The following WWP2 variants were observed in gnomAD, a reference collection of about 807,000 sequenced individuals.
The protein encoded by WWP2 is WW domain containing E3 ubiquitin protein ligase 2.
In WWP2, 57 loss-of-function variants were observed where a neutral mutation model predicts 121.0. The observed-to-expected ratio is 0.47, with a 90% CI of 0.38 to 0.59. The LOEUF is 0.59. Ranked by LOEUF, WWP2 falls within the 20% of genes least tolerant of loss-of-function variation. The pLI, the probability that WWP2 is intolerant of heterozygous loss-of-function variation, is 0.00. For missense variants in WWP2, 962 were observed against 1,158.9 expected, an observed-to-expected ratio of 0.83 and a Z score of 2.47; for synonymous variants, 449 against 441.3, an observed-to-expected ratio of 1.02 and a Z score of -0.22.
Position 69,840,253 on chromosome 16 carries a change from C to G in WWP2, c.468C>G (p.Ala156=). 6.2e-7 allele frequency: 1 copy of G among 1,614,116 alleles called. No homozygotes were observed. The highest frequency in any genetic ancestry group is 2.2e-5 in the East Asian group (1 of 44,880). ...VDLGNVPNGS[A]LTDGSQLPSR... is the part of the protein sequence containing the mutation. ...TGGGAAATGTGCCTAATGGCAGTGC[C>G]CTGACAGATGGTGAGTGCCGCCCTG... Residue 156 remains alanine, a synonymous_variant, in exon 5 of 24, where the codon GCC becomes GCG. Coordinates refer to ENST00000359154, the MANE Select transcript of WWP2 (RefSeq NM_001270454.2).
At chr16:69,913,475 C>T (rs1250830668) in intron 9 of WWP2, among the ~76,000 whole-genome samples, 1 of 151,938 alleles carries the variant, frequency 6.6e-6, no homozygotes, top group African/African-American at 2.4e-5. Context: ...GCGCTCCAGC[C>T]TGGGTGACAG....
intron 6 of WWP2, among the ~76,000 whole-genome samples, chr16:69,871,210 A>G (rs535411075): frequency 1.3e-5 from 2 of 152,256 alleles, no homozygotes; most frequent in East Asian, 3.9e-4. Context: ...CTTGAGCCCA[A>G]GAGTTTGAGG....
intron 7 of WWP2, among the ~76,000 whole-genome samples, chr16:69,886,428 T>A (rs1255248885): frequency 1.3e-5 from 2 of 151,360 alleles, no homozygotes; most frequent in Non-Finnish European, 2.9e-5. Flanking sequence ...TCAGACCAGG[T>A]AATAGAATCA....
intron 4 of WWP2, among the ~76,000 whole-genome samples, chr16:69,815,615 C>T (rs1391986386): frequency 1.3e-5 from 2 of 151,754 alleles, no homozygotes; most frequent in East Asian, 1.9e-4. Context: ...GTGAAACCCC[C>T]GTCTCTACTA....
intron 11 of WWP2, among the ~76,000 whole-genome samples, chr16:69,927,052 T>G (rs1411695250): frequency 1.3e-5 from 2 of 152,084 alleles, no homozygotes; most frequent in Non-Finnish European, 2.9e-5. Context: ...GTGGAAATAT[T>G]TGAGATAGAA....
chr16:69,936,557 G>T (rs1432391568), intron 19 of WWP2, 105 bp downstream of exon 19: 1 of 1,510,766 alleles, frequency 6.6e-7, no homozygotes, highest in Non-Finnish European at 9.0e-7. Flanking sequence ...CACTGTGGAT[G>T]CCATTTGCAT....
chr16:69,763,446 G>C (rs910171798), intron 1 of WWP2, among the ~76,000 whole-genome samples: 1 of 152,210 alleles, frequency 6.6e-6, no homozygotes, highest in Non-Finnish European at 1.5e-5. Context: ...CATGAGTGCA[G>C]TGTAACTGGA....
chr16:69,913,467 G>A (rs898024165), intron 9 of WWP2, among the ~76,000 whole-genome samples: 6 of 151,784 alleles, frequency 4.0e-5, no homozygotes, highest in African/African-American at 1.2e-4. Context: ...GTGCCACTGC[G>A]CTCCAGCCTG....
intron 4 of WWP2, among the ~76,000 whole-genome samples, chr16:69,809,076 G>C (rs2056339731): frequency 6.6e-6 from 1 of 152,178 alleles, no homozygotes; most frequent in Non-Finnish European, 1.5e-5. Flanking sequence ...TGGTTATATT[G>C]TTTGTGGTAT....
At chr16:69,770,235 G>A (rs913909713) in intron 1 of WWP2, among the ~76,000 whole-genome samples, 1 of 152,132 alleles carries the variant, frequency 6.6e-6, no homozygotes, top group African/African-American at 2.4e-5. Context: ...GGGGGCCAGT[G>A]GCCAGGGAAA....
At chr16:69,848,023 A>G (rs2057118001) in intron 6 of WWP2, among the ~76,000 whole-genome samples, 1 of 152,184 alleles carries the variant, frequency 6.6e-6, no homozygotes, top group African/African-American at 2.4e-5. Flanking sequence ...CTAGAATCTC[A>G]GTAAAATTTC....
At chr16:69,904,483 C>T (rs1216696205) in intron 8 of WWP2, among the ~76,000 whole-genome samples, 1 of 152,014 alleles carries the variant, frequency 6.6e-6, no homozygotes, top group East Asian at 1.9e-4. Context: ...ATCCTCCTGC[C>T]TCAGTCTCCT....
chr16:69,796,298 A>G (rs1187435575), intron 2 of WWP2, among the ~76,000 whole-genome samples: 1 of 152,150 alleles, frequency 6.6e-6, no homozygotes, highest in Non-Finnish European at 1.5e-5. Flanking sequence ...CGTCCTGAAA[A>G]ACCCATCATA....
At chr16:69,904,935 T>G (rs2058264243) in intron 8 of WWP2, among the ~76,000 whole-genome samples, 1 of 152,192 alleles carries the variant, frequency 6.6e-6, no homozygotes, top group South Asian at 2.1e-4. Flanking sequence ...AGTTCTTACA[T>G]AGCAAACTAC....
At chr16:69,900,769 C>T (rs11075745) in intron 8 of WWP2, among the ~76,000 whole-genome samples, 64,044 of 151,816 alleles carry the variant, frequency 0.42, 13,792 homozygotes, top group East Asian at 0.56. Context: ...GGTGATCTGC[C>T]CGCCTTGGCC....
At position 69,917,747 on chromosome 16, in the gene WWP2, A is replaced by T. The variant is rs1330302815; in HGVS notation, c.1043A>T (p.Tyr348Phe). 1.9e-6 allele frequency: 3 copies of T among 1,611,690 alleles called. No individual in the cohort carries two copies. In the Admixed American group the frequency reaches 5.0e-5, roughly 27 times the overall value. Reference protein sequence around the residue: ...KRTDPRGRFYYVDHNTRTTTW... With the variant: ...KRTDPRGRFYFVDHNTRTTTW... ...ACAGATCCCCGAGGCAGGTTTTACT[A>T]TGTGGATCACAATACTCGGACCACC... The change falls in exon 10 of 24, where the codon TAT (tyrosine) becomes TTT (phenylalanine). Residue 348 changes from tyrosine (Y) to phenylalanine (F), a missense_variant. Tyr to Phe is a conservative substitution (Grantham distance 22). Transcript: ENST00000359154.
At chr16:69,868,307 T>C (rs2151912063) in intron 6 of WWP2, among the ~76,000 whole-genome samples, 1 of 152,284 alleles carries the variant, frequency 6.6e-6, no homozygotes, top group Admixed American at 6.5e-5. Context: ...CCGCTATCAT[T>C]AGTGGTTAAG....
chr16:69,877,292 A>AAACCTCATGAACCAATCTTTCCTTT (rs2057751036), intron 7 of WWP2, among the ~76,000 whole-genome samples: 4 of 152,162 alleles, frequency 2.6e-5, no homozygotes, highest in Admixed American at 2.6e-4. Flanking sequence ...ATCTTTCCTT[A>AAACCTCATGAACCAATCTTTCCTTT]AACCTCATGA....
At chr16:69,854,800 C>T (rs1339271914) in intron 6 of WWP2, among the ~76,000 whole-genome samples, 2 of 152,208 alleles carry the variant, frequency 1.3e-5, no homozygotes, top group Non-Finnish European at 2.9e-5. Flanking sequence ...ATCCACCTGC[C>T]TTGGCCTCCC....
Sources: gnomAD v4.1 joint callset for allele counts (sites outside exome capture counted in the v4.1 genomes callset) on GRCh38, gnomAD v4.1.1 for gene constraint, MANE v1.5 for transcripts, NCBI Gene and HGNC (gene_info 2026-07-23, HGNC 2026-07-21) for gene names.